The following PKP4 variants were observed in gnomAD, a reference collection of about 807,000 sequenced individuals.
PKP4 encodes plakophilin 4.
In PKP4, 90 loss-of-function variants were observed where a neutral mutation model predicts 145.1. That is an observed-to-expected ratio of 0.62 (90% CI 0.52 to 0.74). PKP4 has a LOEUF of 0.74. Ranked by LOEUF, PKP4 falls within the 30% of genes least tolerant of loss-of-function variation. The pLI, the probability that PKP4 is intolerant of heterozygous loss-of-function variation, is 0.00. For missense variants in PKP4, 1,340 were observed against 1,482.7 expected (o/e 0.90, Z 1.58); for synonymous variants, 563 against 577.2 (o/e 0.98, Z 0.35).
Position 158,528,684 on chromosome 2 carries a change from AAAG to A in PKP4, c.-5-4494_-5-4492del, listed in dbSNP as rs1189720197. On this transcript the variant is annotated intron_variant, in intron 1 of 21. Transcript: ENST00000389759. ...CTTACTAAATGAAAAAAAAAAAAAA[AAAG>A]AGACCTGGGCAAAGAAAACATTCAT... 3.9e-3 allele frequency among the ~76,000 whole-genome samples: 579 copies of A among 149,560 alleles called. 1 individual carries two copies. Among genetic ancestry groups the A allele is most frequent in the African/African-American group, 0.013 (532 of 40,658 alleles).
At chr2:158,663,191 G>A in intron 14 of PKP4, 81 bp from the exon 15 acceptor site, 16 of 1,522,068 alleles carry the variant, frequency 1.1e-5, no homozygotes, top group Non-Finnish European at 1.3e-5. Flanking sequence ...CTATAGCTGA[G>A]TCCCGCAAAG....
In PKP4 at chr2:158,634,239, T is replaced by C. The variant is rs1333473779; in HGVS notation, c.1512T>C (p.Asp504=). 1 of 1,614,098 alleles carries C rather than the reference T, an allele frequency of 6.2e-7. No homozygotes were observed. The highest frequency in any genetic ancestry group is 1.7e-5 in the Admixed American group (1 of 60,026). The stretch of plus-strand genomic sequence containing the variant: ...GGCTTCAGCATGCAGTGCCGGCTGA[T>C]GATGGCACCACAAGATCCCCATCAA... ...YNRLQHAVPA[D]DGTTRSPSID... is the part of the protein sequence containing the mutation. The change falls in exon 9 of 22, where the codon GAT becomes GAC. Residue 504 remains aspartate (D), a synonymous_variant. Transcript: ENST00000389759.
chr2:158,467,789 G>A (rs1690873190), intron 1 of PKP4, among the ~76,000 whole-genome samples: 1 of 152,170 alleles, frequency 6.6e-6, no homozygotes, highest in African/African-American at 2.4e-5. Context: ...TGAGGCTACA[G>A]TGAGTTATGA....
chr2:158,672,206 C>T (rs564301357), intron 17 of PKP4, among the ~76,000 whole-genome samples: 12 of 152,260 alleles, frequency 7.9e-5, no homozygotes, highest in African/African-American at 2.6e-4. Context: ...ACTTGACCTT[C>T]GGATGTAACA....
At chr2:158,655,914 G>GT (rs2055867465) in intron 11 of PKP4, among the ~76,000 whole-genome samples, 1 of 152,200 alleles carries the variant, frequency 6.6e-6, no homozygotes, top group Non-Finnish European at 1.5e-5. Flanking sequence ...GACAGAGTCT[G>GT]TTGTCCTCTC....
At chr2:158,678,724 G>A in intron 21 of PKP4, 70 bp downstream of exon 21, 1 of 994,916 alleles carries the variant, frequency 1.0e-6, no homozygotes, top group Non-Finnish European at 1.6e-6. Context: ...CACGTCGATT[G>A]ACTTCCCAGA....
chr2:158,632,091 A>G, intron 8 of PKP4, 150 bp downstream of exon 8: 6 of 652,688 alleles, frequency 9.2e-6, no homozygotes, highest in Non-Finnish European at 1.6e-5. Flanking sequence ...ATAAGCAATA[A>G]AACAGGTTCA....
chr2:158,630,801 A>G (rs1256002196), intron 7 of PKP4, among the ~76,000 whole-genome samples: 4 of 152,260 alleles, frequency 2.6e-5, no homozygotes, highest in Admixed American at 6.5e-5. Flanking sequence ...ATAATAAGTC[A>G]TTCTCTGTTT....
intron 3 of PKP4, among the ~76,000 whole-genome samples, chr2:158,592,783 AT>A (rs1558855137): frequency 6.6e-6 from 1 of 152,112 alleles, no homozygotes; most frequent in Non-Finnish European, 1.5e-5. Flanking sequence ...TTTTAAGTAA[AT>A]TTTTACATAG....
At chr2:158,656,980 T>G (rs79782100) in intron 11 of PKP4, among the ~76,000 whole-genome samples, 1,782 of 152,250 alleles carry the variant, frequency 0.012, 40 homozygotes, top group African/African-American at 0.04. Context: ...TGATCAGTCA[T>G]GTTCACAAGC....
intron 4 of PKP4, among the ~76,000 whole-genome samples, chr2:158,616,219 A>T (rs894193341): frequency 2.6e-5 from 4 of 152,210 alleles, no homozygotes; most frequent in Admixed American, 1.3e-4. Context: ...CAGTGACCTC[A>T]TTCCCTCTGA....
intron 3 of PKP4, among the ~76,000 whole-genome samples, chr2:158,580,128 A>G (rs996252720): frequency 2.6e-5 from 4 of 152,226 alleles, no homozygotes; most frequent in Middle Eastern, 3.2e-3. Context: ...TGATATATGC[A>G]TGGCTATTAG....
intron 2 of PKP4, among the ~76,000 whole-genome samples, chr2:158,536,670 G>T (rs1222566826): frequency 6.6e-6 from 1 of 152,184 alleles, no homozygotes; most frequent in Non-Finnish European, 1.5e-5. Context: ...GCTGTTCCTT[G>T]TTCTTTGGCA....
intron 2 of PKP4, among the ~76,000 whole-genome samples, chr2:158,567,936 G>A (rs1329635625): frequency 6.6e-6 from 1 of 152,328 alleles, no homozygotes; most frequent in East Asian, 1.9e-4. Flanking sequence ...ACAAAAGGAT[G>A]AGGACACTTA....
At chr2:158,459,877 A>G (rs1370820397) in intron 1 of PKP4, among the ~76,000 whole-genome samples, 1 of 152,208 alleles carries the variant, frequency 6.6e-6, no homozygotes, top group Non-Finnish European at 1.5e-5. Context: ...GTAACCTTTC[A>G]GTTAGAAATG....
chr2:158,466,855 G>A (rs1690704585), intron 1 of PKP4, among the ~76,000 whole-genome samples: 1 of 152,192 alleles, frequency 6.6e-6, no homozygotes, highest in Non-Finnish European at 1.5e-5. Context: ...ACTAAGCTAA[G>A]CTTTGAAAGT....
intron 9 of PKP4, among the ~76,000 whole-genome samples, chr2:158,638,075 CAAAG>C (rs1445286412): frequency 1.3e-5 from 2 of 152,076 alleles, no homozygotes; most frequent in African/African-American, 2.4e-5. Flanking sequence ...TGTGAGTCAT[CAAAG>C]AAAGAGTAAA....
At chr2:158,543,852 G>A (rs2044730279) in intron 2 of PKP4, among the ~76,000 whole-genome samples, 1 of 152,124 alleles carries the variant, frequency 6.6e-6, no homozygotes, top group African/African-American at 2.4e-5. Flanking sequence ...GAAAAGCAAG[G>A]TAGAATTTTG....
At chr2:158,632,634 T>C (rs1035456071) in intron 8 of PKP4, 1 of 152,166 alleles carries the variant, frequency 6.6e-6, no homozygotes, top group Non-Finnish European at 1.5e-5. Context: ...GACTACTTTT[T>C]TTTTTTTAGT....
Sources: gnomAD v4.1 joint callset for allele counts (sites outside exome capture counted in the v4.1 genomes callset) on GRCh38, gnomAD v4.1.1 for gene constraint, MANE v1.5 for transcripts, NCBI Gene and HGNC (gene_info 2026-07-23, HGNC 2026-07-21) for gene names.